Variants in NLGN4X observed in about 807,000 individuals in gnomAD.
The protein encoded by NLGN4X is neuroligin-4, X-linked.
A neutral mutation model predicts 40.3 loss-of-function variants in NLGN4X; 3 were observed. The ratio of observed to expected loss-of-function variants is 0.07; its 90% CI spans 0.03 to 0.19. NLGN4X has a LOEUF of 0.19. Among genes scored for constraint, NLGN4X ranks in the 10% least tolerant of loss-of-function variants. The probability of loss-of-function intolerance (pLI) is 1.00; values close to 1 mark genes in which losing one functional copy is unlikely to be tolerated. For synonymous variants in NLGN4X, 270 were observed against 306.8 expected, an observed-to-expected ratio of 0.88 and a Z score of 1.25; for missense variants, 382 against 708.3, an observed-to-expected ratio of 0.54 and a Z score of 5.23.
intron 3 of NLGN4X, among the ~76,000 whole-genome samples, chrX:5,911,173 T>C (rs1028572344): frequency 9.0e-6 from 1 of 111,362 alleles, no homozygotes; most frequent in Non-Finnish European, 1.9e-5. Context: ...AAGAAAGAGG[T>C]GATTAATTCC....
intron 2 of NLGN4X, among the ~76,000 whole-genome samples, chrX:6,095,305 A>G (rs1464307877): frequency 9.0e-6 from 1 of 111,601 alleles, no homozygotes; most frequent in East Asian, 2.8e-4. Flanking sequence ...ATAAAATAGC[A>G]GTGCTGCTGG....
chrX:6,082,262 A>G (rs1227389709), intron 2 of NLGN4X, among the ~76,000 whole-genome samples: 2 of 111,729 alleles, frequency 1.8e-5, no homozygotes, highest in African/African-American at 6.5e-5. Context: ...AACGTCAGAC[A>G]CAGGGGCACA....
chrX:6,181,046 T>G (rs906398223), intron 1 of NLGN4X, among the ~76,000 whole-genome samples: 3 of 111,596 alleles, frequency 2.7e-5, no homozygotes, highest in African/African-American at 9.8e-5. Context: ...ACAGCAACTC[T>G]TAAGTCTCTG....
chrX:6,154,462 T>C (rs1215714925), intron 1 of NLGN4X, among the ~76,000 whole-genome samples: 1 of 110,615 alleles, frequency 9.0e-6, no homozygotes, highest in South Asian at 3.9e-4. Context: ...ATGTGCATTA[T>C]CATCATTAAA....
chrX:6,200,107 ATTTCT>A (rs1445206405), intron 1 of NLGN4X, among the ~76,000 whole-genome samples: 1 of 112,056 alleles, frequency 8.9e-6, no homozygotes, highest in Non-Finnish European at 1.9e-5. Context: ...ACAACTACTC[ATTTCT>A]TTAATAAATA....
chrX:5,964,406 C>T (rs147672412), intron 3 of NLGN4X, among the ~76,000 whole-genome samples: 7,652 of 111,365 alleles, frequency 0.069, 633 homozygotes, highest in African/African-American at 0.23. Flanking sequence ...AAGAACTAGC[C>T]GACACAGAAA....
rs754342990 is a variant in NLGN4X, at chrX:5,903,445, T to C, written c.1233A>G (p.Glu411=). The C allele has an allele frequency of 8.3e-7, 1 of 1,205,596 alleles. No homozygotes were observed. The highest frequency in any genetic ancestry group is 2.2e-5 in the Admixed American group (1 of 45,503). The change falls in exon 5 of 6, where the codon GAA becomes GAG. Residue 411 remains glutamate, a synonymous_variant. Transcript: ENST00000381095. ...NFVDNLYGYP[E]GKDTLRETIK... is the part of the protein sequence containing the mutation. ...TAGTCTCCCGCAAAGTGTCTTTCCC[T>C]TCAGGGTAGCCGTAAAGGTTGTCCA...
intron 1 of NLGN4X, among the ~76,000 whole-genome samples, chrX:6,197,334 T>A (rs912367607): frequency 1.8e-5 from 2 of 110,567 alleles, no homozygotes; most frequent in Admixed American, 9.6e-5. Flanking sequence ...CAACCTTGGA[T>A]CACTGCAGCC....
chrX:6,029,425 A>G lies in NLGN4X; in HGVS notation c.480T>C (p.His160=). 1 of 1,210,606 alleles carries G rather than the reference A, an allele frequency of 8.3e-7. No individual in the cohort carries two copies. Among genetic ancestry groups the G allele is most frequent in the Non-Finnish European group, 1.1e-6 (1 of 894,724 alleles). The change falls in exon 3 of 6, where the codon CAT becomes CAC. Residue 160 remains histidine, a synonymous_variant. Transcript: ENST00000381095. The part of the protein sequence containing the change: ...NIYVPTEDDI[H]DQNSKKPVMV... ...TGACGGGCTTCTTACTGTTCTGATC[A>G]TGAATATCTGGAAAAAAAAGCCAAG...
intron 3 of NLGN4X, among the ~76,000 whole-genome samples, chrX:6,015,805 C>T (rs773655774): frequency 6.2e-5 from 7 of 112,001 alleles, no homozygotes; most frequent in Non-Finnish European, 1.3e-4. Context: ...TGGACTGTCA[C>T]GATAACCATG....
chrX:6,092,125 A>T (rs994603274), intron 2 of NLGN4X, among the ~76,000 whole-genome samples: 1 of 110,396 alleles, frequency 9.1e-6, no homozygotes, highest in East Asian at 2.9e-4. Context: ...ACCTTCCCTG[A>T]ACAAAACAAT....
intron 3 of NLGN4X, among the ~76,000 whole-genome samples, chrX:5,955,386 A>C (rs2034459189): frequency 8.9e-6 from 1 of 112,200 alleles, no homozygotes; most frequent in Non-Finnish European, 1.9e-5. Context: ...TTTATTTAAA[A>C]CGTATCTGAC....
At chrX:6,100,249 C>A (rs941507481) in intron 2 of NLGN4X, among the ~76,000 whole-genome samples, 3 of 112,353 alleles carry the variant, frequency 2.7e-5, no homozygotes, top group Non-Finnish European at 3.8e-5. Flanking sequence ...TTCTGGTAAA[C>A]CCACAGCCTT....
At position 6,046,220 on chromosome X, in the gene NLGN4X, G is replaced by A. The variant is rs192052078; in HGVS notation, c.473-16788C>T. Reference sequence around the variant, plus strand: ...TATAAATCAAGAGTGTAATAGTATCGATACCTCTTCAAAATAATTTATTAC... The same window carrying A: ...TATAAATCAAGAGTGTAATAGTATCAATACCTCTTCAAAATAATTTATTAC... On this transcript the variant is annotated intron_variant, in intron 2 of 5. Coordinates refer to ENST00000381095, the MANE Select transcript of NLGN4X (RefSeq NM_181332.3). Among the ~76,000 whole-genome samples, 509 of 111,211 alleles carry A rather than the reference G, an allele frequency of 4.6e-3. 4 individuals carry two copies. The highest frequency in any genetic ancestry group is 0.016 in the African/African-American group (489 of 30,747).
intron 4 of NLGN4X, among the ~76,000 whole-genome samples, chrX:5,905,464 T>A (rs1438096645): frequency 2.7e-5 from 3 of 112,275 alleles, no homozygotes; most frequent in African/African-American, 9.7e-5. Context: ...TTCCAGCTGA[T>A]GTATATCTTA....
rs1030341228 is a variant in NLGN4X, at chrX:5,892,534, G to T, written c.*283C>A. 2 of 339,643 alleles carry T rather than the reference G, an allele frequency of 5.9e-6. No individual in the cohort carries two copies. The highest frequency in any genetic ancestry group is 4.6e-5 in the Admixed American group (1 of 21,968). 28.0% of individuals were successfully genotyped at this position (339,643 alleles called of 1,213,427 possible). ...GTGATGTCCTATCACACTAAACATC[G>T]ATTGGAGTGGTAGAGATCTTAAAGC... On this transcript the variant is annotated 3_prime_UTR_variant, in exon 6 of 6. Transcript: ENST00000381095.
At chrX:6,030,137 T>A (rs1368591821) in intron 2 of NLGN4X, among the ~76,000 whole-genome samples, 1 of 112,138 alleles carries the variant, frequency 8.9e-6, no homozygotes, top group African/African-American at 3.2e-5. Context: ...GAATCCAAAC[T>A]ATTTAAATGC....
At chrX:6,221,391 T>TTATATATATATATATA (rs60897428) in intron 1 of NLGN4X, among the ~76,000 whole-genome samples, 105 of 53,329 alleles carry the variant, frequency 2.0e-3, no homozygotes, top group Non-Finnish European at 2.4e-3. Flanking sequence ...CCTTCTTATA[T>TTATATATATATATATA]TATATATATA....
intron 3 of NLGN4X, among the ~76,000 whole-genome samples, chrX:6,022,280 A>G (rs1290672608): frequency 9.0e-6 from 1 of 111,718 alleles, no homozygotes; most frequent in African/African-American, 3.3e-5. Flanking sequence ...GACTGGCATC[A>G]AGGTGTGTTG....
Sources: gnomAD v4.1 joint callset for allele counts (sites outside exome capture counted in the v4.1 genomes callset) on GRCh38, gnomAD v4.1.1 for gene constraint, MANE v1.5 for transcripts, NCBI Gene and HGNC (gene_info 2026-07-23, HGNC 2026-07-21) for gene names.